The following ANTXRL variants were observed in gnomAD, a reference collection of about 807,000 sequenced individuals.
The protein encoded by ANTXRL is ANTXR like.
Under a neutral mutation model 75.4 loss-of-function variants are expected in ANTXRL, and 63 were observed. The observed-to-expected ratio is 0.84, with a 90% CI of 0.68 to 1.03. ANTXRL has a LOEUF of 1.03. Among genes scored for constraint, ANTXRL ranks in the 50% least tolerant of loss-of-function variants. ANTXRL has a pLI of 0.00. For missense variants in ANTXRL, 797 were observed against 789.4 expected (o/e 1.01, Z -0.12); for synonymous variants, 335 against 291.3 (o/e 1.15, Z -1.53).
intron 10 of ANTXRL, 74 bp from the exon 11 acceptor site, chr10:46,306,729 G>A (rs782472738): frequency 3.8e-6 from 5 of 1,325,498 alleles, no homozygotes; most frequent in Non-Finnish European, 5.1e-6. Flanking sequence ...AGCCCTGCAT[G>A]CTGAGGACAG....
At chr10:46,300,446 C>G (rs1387676026) in intron 9 of ANTXRL, among the ~76,000 whole-genome samples, 6 of 152,212 alleles carry the variant, frequency 3.9e-5, no homozygotes, top group Admixed American at 1.3e-4. Flanking sequence ...CCTCTGGTGG[C>G]CTCACCGCTC....
At chr10:46,314,550 A>T (rs1554964326) in intron 16 of ANTXRL, among the ~76,000 whole-genome samples, 4 of 151,942 alleles carry the variant, frequency 2.6e-5, no homozygotes, top group African/African-American at 9.7e-5. Context: ...AAATGGCCTT[A>T]CTGTCCAGTG....
intron 16 of ANTXRL, among the ~76,000 whole-genome samples, chr10:46,318,801 G>A (rs73292923): frequency 0.046 from 6,934 of 152,118 alleles, 548 homozygotes; most frequent in African/African-American, 0.16. Flanking sequence ...TAAATGTAAC[G>A]GAGTTGAATT....
chr10:46,329,782 A>G lies in ANTXRL; in HGVS notation c.1594A>G (p.Ile532Val), dbSNP rs1281526372. ...CAAACAGGCTCGCTGCAGCCCAAAC[A>G]TCTGCCTGAGACACAGCCAACACAG... Reference protein sequence around the residue: ...ALKQARCSPNICLRHSQHSRE... With the variant: ...ALKQARCSPNVCLRHSQHSRE... Residue 532 changes from isoleucine to valine, a missense_variant, in exon 17 of 17, where the codon ATC becomes GTC. By Grantham distance (29) the Ile-to-Val change is conservative. Transcript: ENST00000620264. 1.9e-5 allele frequency: 29 copies of G among 1,531,872 alleles called. No individual in the cohort carries two copies. The highest frequency in any genetic ancestry group is 2.4e-5 in the Non-Finnish European group (28 of 1,146,026). 94.9% of individuals were successfully genotyped at this position (1,531,872 alleles called of 1,614,324 possible).
At chr10:46,315,082 T>G (rs1326500318) in intron 16 of ANTXRL, among the ~76,000 whole-genome samples, 1 of 152,202 alleles carries the variant, frequency 6.6e-6, no homozygotes, top group African/African-American at 2.4e-5. Context: ...TTCGGTGTGC[T>G]GGCCCTAGGG....
intron 3 of ANTXRL, among the ~76,000 whole-genome samples, chr10:46,294,834 G>T: frequency 8.0e-6 from 1 of 125,142 alleles, no homozygotes; most frequent in African/African-American, 2.7e-5. Context: ...CCTGGGCTGG[G>T]CAGGCAGGGC....
At chr10:46,288,157 G>A (rs567772994) in intron 1 of ANTXRL, among the ~76,000 whole-genome samples, 2 of 152,238 alleles carry the variant, frequency 1.3e-5, no homozygotes, top group South Asian at 4.1e-4. Context: ...GCTTTGGAGA[G>A]ATTGCCTTGG....
At chr10:46,289,340 T>A (rs550808595) in intron 1 of ANTXRL, among the ~76,000 whole-genome samples, 1 of 152,204 alleles carries the variant, frequency 6.6e-6, no homozygotes, top group Admixed American at 6.5e-5. Context: ...AAATTTACCA[T>A]TTTTAAGTGT....
intron 16 of ANTXRL, among the ~76,000 whole-genome samples, chr10:46,322,361 G>A (rs1484915709): frequency 6.6e-6 from 1 of 151,886 alleles, no homozygotes; most frequent in Non-Finnish European, 1.5e-5. Context: ...GGGAGGCTGA[G>A]GCAGGAGAAT....
chr10:46,305,774 C>T lies in ANTXRL; in HGVS notation c.896-1029C>T, dbSNP rs549962026. ...ATGAGTAAATAGATACATAAATAAA[C>T]AAAAATTGGAAAACAAAATTACAGA... On this transcript the variant is annotated intron_variant, in intron 10 of 16. Transcript: ENST00000620264. Among the ~76,000 whole-genome samples the T allele has an allele frequency of 5.9e-5, 9 of 152,126 alleles. 1 individual carries two copies. In the South Asian group the frequency reaches 1.2e-3, roughly 21 times the overall value.
At chr10:46,290,468 A>G (rs1310146653) in intron 1 of ANTXRL, among the ~76,000 whole-genome samples, 1 of 152,270 alleles carries the variant, frequency 6.6e-6, no homozygotes. Flanking sequence ...TCTTTTTGGT[A>G]TATGCCAGGG....
chr10:46,322,909 C>T (rs1259152094), intron 16 of ANTXRL, among the ~76,000 whole-genome samples: 1 of 152,118 alleles, frequency 6.6e-6, no homozygotes, highest in African/African-American at 2.4e-5. Flanking sequence ...TAGAGCATTC[C>T]TTTTATATTC....
chr10:46,317,326 G>T (rs1401352865), intron 16 of ANTXRL, among the ~76,000 whole-genome samples: 2 of 152,170 alleles, frequency 1.3e-5, no homozygotes, highest in Admixed American at 1.3e-4. Flanking sequence ...AGAATTTACT[G>T]AAATTTACAC....
intron 7 of ANTXRL, among the ~76,000 whole-genome samples, 162 bp downstream of exon 7, chr10:46,297,636 C>T (rs1421430863): frequency 6.6e-6 from 1 of 152,136 alleles, no homozygotes; most frequent in Non-Finnish European, 1.5e-5. Context: ...GTATAAATCC[C>T]ACCATGCCAA....
intron 16 of ANTXRL, among the ~76,000 whole-genome samples, chr10:46,316,738 G>A (rs1163912102): frequency 1.3e-5 from 2 of 152,080 alleles, no homozygotes; most frequent in African/African-American, 4.8e-5. Context: ...CTCAAATAAC[G>A]TTTCATTCAA....
At chr10:46,325,716 G>C (rs1232058267) in intron 16 of ANTXRL, among the ~76,000 whole-genome samples, 1 of 147,678 alleles carries the variant, frequency 6.8e-6, no homozygotes, top group Admixed American at 7.0e-5. Flanking sequence ...TTGGTCTGCA[G>C]GGTTGGATGA....
chr10:46,304,331 G>T (rs772267316), intron 10 of ANTXRL, among the ~76,000 whole-genome samples: 2 of 152,172 alleles, frequency 1.3e-5, no homozygotes, highest in African/African-American at 4.8e-5. Context: ...CACTGGGAAT[G>T]TGTGTGCCAT....
rs536467099 is a variant in ANTXRL at position 46,304,134 on chromosome 10, C to T, written c.895+1314C>T. Among the ~76,000 whole-genome samples, 27 of 152,240 alleles carry T rather than the reference C, an allele frequency of 1.8e-4. 1 individual carries two copies. The highest frequency in any genetic ancestry group is 6.8e-3 in the Middle Eastern group (2 of 294). On this transcript the variant is annotated intron_variant, in intron 10 of 16. Coordinates refer to ENST00000620264, the MANE Select transcript of ANTXRL (RefSeq NM_001278688.3). Reference sequence around the variant, plus strand: ...TCTTGGAACTGTCTTAGGGACTGAGCAGCCCCTTTCTAAGGAAAGCTAATG... The same window carrying T: ...TCTTGGAACTGTCTTAGGGACTGAGTAGCCCCTTTCTAAGGAAAGCTAATG...
In ANTXRL at chr10:46,298,073, C is replaced by T. The variant is rs185773566; in HGVS notation, c.796+11C>T. On this transcript the variant is annotated intron_variant, in intron 9 of 16. Transcript: ENST00000620264. ...CTGAGTGTGTAGGAGGTGAGAGCTGCGGAGGCCCTGGGGTAGCCAAAGGGT... is the reference window on the plus strand; with the variant it reads ...CTGAGTGTGTAGGAGGTGAGAGCTGTGGAGGCCCTGGGGTAGCCAAAGGGT... The T allele has an allele frequency of 1.8e-3, 2,713 of 1,531,908 alleles. 7 individuals are homozygous for T. Among genetic ancestry groups the T allele is most frequent in the Non-Finnish European group, 2.1e-3 (2,418 of 1,143,700 alleles). 94.9% of individuals were successfully genotyped at this position (1,531,908 alleles called of 1,614,324 possible). A position where few individuals can be genotyped will look rare whatever the true frequency, so the allele number is the denominator to read the frequency against.
Sources: gnomAD v4.1 joint callset for allele counts (sites outside exome capture counted in the v4.1 genomes callset) on GRCh38, gnomAD v4.1.1 for gene constraint, MANE v1.5 for transcripts, NCBI Gene and HGNC (gene_info 2026-07-23, HGNC 2026-07-21) for gene names.